Variants in UNC5D observed in about 807,000 individuals in gnomAD.
UNC5D encodes unc-5 netrin receptor D, also known as netrin receptor UNC5D.
Under a neutral mutation model 105.4 loss-of-function variants are expected in UNC5D, and 39 were observed. The observed-to-expected ratio is 0.37, with a 90% CI of 0.29 to 0.48. UNC5D has a LOEUF of 0.48. Among genes scored for constraint, UNC5D ranks in the 20% least tolerant of loss-of-function variants. The pLI is 0.98. For missense variants in UNC5D, 991 were observed against 1,202.4 expected, an observed-to-expected ratio of 0.82 and a Z score of 2.60; for synonymous variants, 452 against 450.4, an observed-to-expected ratio of 1.00 and a Z score of -0.04.
At chr8:35,239,770 C>T (rs1802690590) in intron 1 of UNC5D, among the ~76,000 whole-genome samples, 1 of 152,058 alleles carries the variant, frequency 6.6e-6, no homozygotes. Context: ...CTTCTGATAC[C>T]TTCATGAACT....
intron 1 of UNC5D, among the ~76,000 whole-genome samples, chr8:35,479,242 T>C (rs1810317747): frequency 1.3e-5 from 2 of 152,128 alleles, no homozygotes; most frequent in South Asian, 4.1e-4. Context: ...TAGGAGTCTT[T>C]GATTCCTTAT....
chr8:35,554,748 T>C (rs765603740), intron 2 of UNC5D, among the ~76,000 whole-genome samples: 12 of 152,218 alleles, frequency 7.9e-5, no homozygotes, highest in Non-Finnish European at 1.8e-4. Flanking sequence ...GTGGCTCTTA[T>C]CTTATTCCAC....
intron 7 of UNC5D, among the ~76,000 whole-genome samples, chr8:35,702,079 T>C (rs558547972): frequency 6.6e-6 from 1 of 152,090 alleles, no homozygotes; most frequent in African/African-American, 2.4e-5. Flanking sequence ...GACTGAGTTA[T>C]AATAATTTAT....
At chr8:35,562,353 A>G (rs1408478492) in intron 2 of UNC5D, among the ~76,000 whole-genome samples, 3 of 152,098 alleles carry the variant, frequency 2.0e-5, no homozygotes, top group African/African-American at 7.2e-5. Context: ...TATGCCTAGT[A>G]GTGGGACTGT....
chr8:35,442,094 T>C (rs893580968), intron 1 of UNC5D, among the ~76,000 whole-genome samples: 2 of 151,982 alleles, frequency 1.3e-5, no homozygotes, highest in African/African-American at 4.8e-5. Flanking sequence ...TTATTTTTCT[T>C]CCTGTTTATT....
intron 1 of UNC5D, among the ~76,000 whole-genome samples, chr8:35,364,745 T>G (rs899493626): frequency 2.0e-5 from 3 of 152,176 alleles, no homozygotes; most frequent in Non-Finnish European, 4.4e-5. Flanking sequence ...TACCTCTAAT[T>G]TCAATTTGAC....
intron 2 of UNC5D, among the ~76,000 whole-genome samples, chr8:35,562,837 T>A (rs577369288): frequency 6.6e-6 from 1 of 152,264 alleles, no homozygotes; most frequent in Non-Finnish European, 1.5e-5. Context: ...TATTTTTACA[T>A]TGGTTACCAG....
intron 4 of UNC5D, among the ~76,000 whole-genome samples, chr8:35,649,852 A>G (rs1218887683): frequency 6.6e-6 from 1 of 152,210 alleles, no homozygotes; most frequent in Non-Finnish European, 1.5e-5. Context: ...AGAAACAGAC[A>G]TAAAGCAGAA....
intron 1 of UNC5D, among the ~76,000 whole-genome samples, chr8:35,248,868 A>G (rs1352509676): frequency 1.1e-5 from 1 of 91,766 alleles, no homozygotes; most frequent in East Asian, 3.2e-4. Context: ...CTATAATAAT[A>G]TAAAAATATA....
At chr8:35,274,945 G>T (rs963312341) in intron 1 of UNC5D, among the ~76,000 whole-genome samples, 1 of 151,818 alleles carries the variant, frequency 6.6e-6, no homozygotes, top group African/African-American at 2.4e-5. Context: ...CAAAAAATTG[G>T]CTGGGCGTAG....
At chr8:35,687,727 T>C (rs976124340) in intron 7 of UNC5D, among the ~76,000 whole-genome samples, 7 of 152,218 alleles carry the variant, frequency 4.6e-5, no homozygotes, top group African/African-American at 1.7e-4. Flanking sequence ...TAACCTCTTA[T>C]CTTCTCTGAC....
intron 1 of UNC5D, among the ~76,000 whole-genome samples, chr8:35,521,995 T>A (rs577214196): frequency 1.3e-5 from 2 of 152,270 alleles, no homozygotes; most frequent in Admixed American, 1.3e-4. Flanking sequence ...CCTCAGATAC[T>A]GAACTTAACA....
chr8:35,639,476 G>A (rs867922354), intron 4 of UNC5D, among the ~76,000 whole-genome samples: 1 of 152,014 alleles, frequency 6.6e-6, no homozygotes, highest in Admixed American at 6.6e-5. Context: ...GTCATAATAT[G>A]GTGAATTTAA....
chr8:35,730,147 A>G (rs1383621137), intron 10 of UNC5D, among the ~76,000 whole-genome samples: 1 of 152,102 alleles, frequency 6.6e-6, no homozygotes, highest in Non-Finnish European at 1.5e-5. Flanking sequence ...CTGTTTCTCT[A>G]TTTCATTTCT....
intron 1 of UNC5D, among the ~76,000 whole-genome samples, chr8:35,511,403 G>C (rs1171357543): frequency 6.6e-6 from 1 of 151,138 alleles, no homozygotes; most frequent in Non-Finnish European, 1.5e-5. Flanking sequence ...GGAGGCTCAG[G>C]TGGGAGGATC....
chr8:35,582,255 T>C (rs1818508791), intron 3 of UNC5D, among the ~76,000 whole-genome samples: 1 of 152,190 alleles, frequency 6.6e-6, no homozygotes, highest in Admixed American at 6.5e-5. Context: ...CAGATCCCCA[T>C]GATAGCTCCT....
intron 1 of UNC5D, among the ~76,000 whole-genome samples, chr8:35,437,814 T>C (rs1407984717): frequency 1.3e-5 from 2 of 151,984 alleles, no homozygotes; most frequent in African/African-American, 4.8e-5. Context: ...GGTTTGCTGC[T>C]TTGTGAATTT....
intron 12 of UNC5D, 54 bp downstream of exon 12, chr8:35,748,749 G>C: frequency 6.3e-7 from 1 of 1,575,870 alleles, no homozygotes; most frequent in Non-Finnish European, 8.6e-7. Context: ...CCACCTATGG[G>C]ATATATTTAA....
intron 1 of UNC5D, among the ~76,000 whole-genome samples, chr8:35,389,961 A>G (rs1803668971): frequency 6.6e-6 from 1 of 152,218 alleles, no homozygotes; most frequent in Non-Finnish European, 1.5e-5. Flanking sequence ...ATAAAGAAAT[A>G]CCTGAGACAG....
Sources: gnomAD v4.1 joint callset for allele counts (sites outside exome capture counted in the v4.1 genomes callset) on GRCh38, gnomAD v4.1.1 for gene constraint, MANE v1.5 for transcripts, NCBI Gene and HGNC (gene_info 2026-07-23, HGNC 2026-07-21) for gene names.